The following GID4 variants were observed in gnomAD, a reference collection of about 807,000 sequenced individuals.
GID4 encodes the protein GID complex subunit 4 homolog, also known as glucose-induced degradation protein 4 homolog.
GID4 carries 7 observed loss-of-function variants against 32.4 expected under a neutral mutation model. That is an observed-to-expected ratio of 0.22 (90% CI 0.12 to 0.41). GID4 has a LOEUF of 0.41. Among genes scored for constraint, GID4 ranks in the 10% least tolerant of loss-of-function variants. The pLI, the probability that GID4 is intolerant of heterozygous loss-of-function variation, is 1.00. For missense variants in GID4, 309 were observed against 400.0 expected, an observed-to-expected ratio of 0.77 and a Z score of 1.94; for synonymous variants, 166 against 170.0, an observed-to-expected ratio of 0.98 and a Z score of 0.18.
chr17:18,041,455 T>C (rs933969318), intron 1 of GID4, among the ~76,000 whole-genome samples: 7 of 152,236 alleles, frequency 4.6e-5, no homozygotes, highest in African/African-American at 1.7e-4. Flanking sequence ...ATCATATCTT[T>C]GGGCTGTAAA....
chr17:18,045,284 G>A (rs1024518638), intron 2 of GID4, 78 bp downstream of exon 2: 35 of 1,097,422 alleles, frequency 3.2e-5, no homozygotes, highest in Admixed American at 1.9e-4. Context: ...CAGGGCAGGC[G>A]GTCTCAACTC....
rs532626396 is a variant in GID4, at chr17:18,061,112, A to T, written c.709-733A>T. ...TGGGAGGGTGTCTTAAATTTGTTTA[A>T]AAAGCAATGGGCTTGTTTTGCCTCC... On this transcript the variant is annotated intron_variant, in intron 4 of 5. Transcript: ENST00000268719. The surrounding 1 kb of genome is among the most constrained non-coding windows in gnomAD (Gnocchi z 4.4). 2.0e-5 allele frequency among the ~76,000 whole-genome samples: 3 copies of T among 152,306 alleles called. No individual in the cohort carries two copies. The highest frequency in any genetic ancestry group is 4.4e-5 in the Non-Finnish European group (3 of 68,014).
At chr17:18,062,406 A>AGGC (rs1364316955) in intron 5 of GID4, among the ~76,000 whole-genome samples, 1 of 152,200 alleles carries the variant, frequency 6.6e-6, no homozygotes, top group Non-Finnish European at 1.5e-5. Context: ...ACTTGATTTA[A>AGGC]GGCTCATGAC....
intron 1 of GID4, among the ~76,000 whole-genome samples, chr17:18,044,708 TG>T (rs1699734615): frequency 6.6e-6 from 1 of 152,182 alleles, no homozygotes; most frequent in African/African-American, 2.4e-5. Flanking sequence ...GACCAATGAT[TG>T]AGCAATACAG....
At chr17:18,057,113 T>A in intron 3 of GID4, 1 of 1,460,852 alleles carries the variant, frequency 6.8e-7, no homozygotes, top group Non-Finnish European at 9.1e-7. Flanking sequence ...CAGGATTCCA[T>A]ATATTCAGTC....
At chr17:18,063,823 A>ACCTC (rs2045037761) in intron 5 of GID4, among the ~76,000 whole-genome samples, 1 of 151,958 alleles carries the variant, frequency 6.6e-6, no homozygotes, top group Non-Finnish European at 1.5e-5. Flanking sequence ...GCTCACTGCA[A>ACCTC]CCTCCGCCTC....
At position 18,068,072 on chromosome 17, in the gene GID4, A is replaced by G. The variant is rs1048377430; in HGVS notation, c.*2829A>G. On this transcript the variant is annotated 3_prime_UTR_variant, in exon 6 of 6. Coordinates refer to ENST00000268719, the MANE Select transcript of GID4 (RefSeq NM_024052.5). ...GGGTTTTTCAATGTCTTTTGCTTTCAGAAACAGAGAATATAATATTCTCAC... is the reference window on the plus strand; with the variant it reads ...GGGTTTTTCAATGTCTTTTGCTTTCGGAAACAGAGAATATAATATTCTCAC... The G allele has an allele frequency of 2.6e-5, 4 of 152,674 alleles. No individual in the cohort carries two copies. Among genetic ancestry groups the G allele is most frequent in the African/African-American group, 9.6e-5 (4 of 41,454 alleles). 9.5% of individuals were successfully genotyped at this position (152,674 alleles called of 1,614,324 possible).
intron 2 of GID4, among the ~76,000 whole-genome samples, chr17:18,053,009 CTTTTT>C (rs71155312): frequency 3.1e-4 from 26 of 83,282 alleles, no homozygotes; most frequent in Admixed American, 7.1e-4. Flanking sequence ...AAAGTATTTA[CTTTTT>C]TTTTTTTTTT....
rs535658835 is a variant in GID4 at position 18,047,192 on chromosome 17, T to G, written c.498+1986T>G. On this transcript the variant is annotated intron_variant, in intron 2 of 5. Transcript: ENST00000268719. ...AGGTATTTCTTCTTTAACTCGAGAA[T>G]TGTATCAAATCAAGTAGGAGTAGAA... is the stretch of plus-strand genomic sequence containing the variant. Among the ~76,000 whole-genome samples, 5 of 152,322 alleles carry G rather than the reference T, an allele frequency of 3.3e-5. No individual in the cohort carries two copies. In the South Asian group the frequency reaches 1.0e-3, roughly 32 times the overall value.
At chr17:18,062,044 A>G (rs1358662569) in intron 5 of GID4, 69 bp downstream of exon 5, 5 of 1,503,720 alleles carry the variant, frequency 3.3e-6, no homozygotes, top group Non-Finnish European at 3.7e-6. Context: ...TTGGCTCATC[A>G]AACCCAAAAG....
At chr17:18,055,208 A>G (rs2044954482) in intron 3 of GID4, among the ~76,000 whole-genome samples, 1 of 151,948 alleles carries the variant, frequency 6.6e-6, no homozygotes, top group African/African-American at 2.4e-5. Flanking sequence ...TCAACCTAAT[A>G]GCCTTTTGCT....
chr17:18,048,391 G>A (rs1470179568), intron 2 of GID4, among the ~76,000 whole-genome samples: 5 of 152,078 alleles, frequency 3.3e-5, no homozygotes, highest in Admixed American at 6.5e-5. Context: ...ACAGGGTTTC[G>A]CCATGTTGGC....
At chr17:18,047,805 C>T (rs1458267648) in intron 2 of GID4, among the ~76,000 whole-genome samples, 1 of 152,038 alleles carries the variant, frequency 6.6e-6, no homozygotes, top group East Asian at 1.9e-4. Context: ...TTTTTAGTAG[C>T]TTTATTGAGA....
intron 2 of GID4, among the ~76,000 whole-genome samples, chr17:18,047,578 T>TG (rs1263469461): frequency 6.6e-6 from 1 of 152,252 alleles, no homozygotes; most frequent in African/African-American, 2.4e-5. Context: ...GAGGGGGCAC[T>TG]GACAATGGCC....
At chr17:18,064,105 T>A (rs1397500316) in intron 5 of GID4, among the ~76,000 whole-genome samples, 1 of 152,244 alleles carries the variant, frequency 6.6e-6, no homozygotes, top group Non-Finnish European at 1.5e-5. Context: ...GCTTCCATTG[T>A]TTAGCTCTTG....
intron 4 of GID4, among the ~76,000 whole-genome samples, chr17:18,060,965 C>A (rs2045013326): frequency 6.6e-6 from 1 of 152,152 alleles, no homozygotes; most frequent in African/African-American, 2.4e-5. Flanking sequence ...AAACTCCTGA[C>A]CTCAGGTGAT....
chr17:18,041,852 G>A (rs1054468566), intron 1 of GID4, among the ~76,000 whole-genome samples: 3 of 152,240 alleles, frequency 2.0e-5, no homozygotes, highest in Non-Finnish European at 2.9e-5. Flanking sequence ...ACCAGGGGAA[G>A]CAGTGGTTGA....
intron 2 of GID4, among the ~76,000 whole-genome samples, chr17:18,048,684 C>T (rs1001319405): frequency 2.0e-5 from 3 of 151,406 alleles, no homozygotes; most frequent in Non-Finnish European, 2.9e-5. Flanking sequence ...GCTCTGTCAC[C>T]CGGGCTGGAG....
chr17:18,045,067 C>T, intron 1 of GID4, 80 bp from the exon 2 acceptor site: 1 of 1,116,448 alleles, frequency 9.0e-7, no homozygotes, highest in East Asian at 2.3e-5. Flanking sequence ...TCTGGCCTCA[C>T]AGGATTTGCA....
Sources: allele counts gnomAD v4.1 joint callset (sites outside exome capture counted in the v4.1 genomes callset), GRCh38; gene constraint gnomAD v4.1.1; non-coding constraint Gnocchi (gnomAD v3.1); transcripts MANE v1.5; gene names NCBI Gene and HGNC (gene_info 2026-07-23, HGNC 2026-07-21).